GRK5: variants seen among roughly 807,000 people sequenced by gnomAD.
GRK5 encodes the protein G protein-coupled receptor kinase 5.
Under a neutral mutation model 78.4 loss-of-function variants are expected in GRK5, and 40 were observed. The ratio of observed to expected loss-of-function variants is 0.51; its 90% CI spans 0.40 to 0.66. The LOEUF is 0.66. Ranked by LOEUF, GRK5 falls within the 30% of genes least tolerant of loss-of-function variation. The pLI, the probability that GRK5 is intolerant of heterozygous loss-of-function variation, is 0.00. For missense variants in GRK5, 598 were observed against 759.9 expected (o/e 0.79, Z 2.50); for synonymous variants, 289 against 296.8 (o/e 0.97, Z 0.27).
chr10:119,373,120 A>G (rs1851571977), intron 2 of GRK5, among the ~76,000 whole-genome samples: 1 of 152,264 alleles, frequency 6.6e-6, no homozygotes, highest in African/African-American at 2.4e-5. Context: ...ACTCACGTGG[A>G]AAGTTGGGAA....
chr10:119,430,377 A>G lies in GRK5; in HGVS notation c.536A>G (p.Gln179Arg). ...TGTGGGATTCTTCTTTCTTCCAGGC[A>G]ACCGGTGACCAAAAACACTTTCAGG... ...RFLQWKWLERQPVTKNTFRQY... is the reference protein window; with the variant it reads ...RFLQWKWLERRPVTKNTFRQY... Residue 179 changes from glutamine to arginine, a missense_variant and splice_region_variant, in exon 7 of 16, where the codon CAA becomes CGA. By Grantham distance (43) the Gln-to-Arg change is conservative. Coordinates refer to ENST00000392870, the MANE Select transcript of GRK5 (RefSeq NM_005308.3). This position sits in a 1 kb window ranked among gnomAD's most constrained non-coding sequence, Gnocchi z 4.5. 1.2e-6 allele frequency: 2 copies of G among 1,613,622 alleles called. No individual in the cohort carries two copies. Among genetic ancestry groups the G allele is most frequent in the African/African-American group, 1.3e-5 (1 of 75,038 alleles).
chr10:119,458,821 A>G lies in GRK5; in HGVS notation c.*3754A>G, dbSNP rs958530526. 1.3e-5 allele frequency: 2 copies of G among 151,932 alleles called. No individual in the cohort carries two copies. Among genetic ancestry groups the G allele is most frequent in the African/African-American group, 4.8e-5 (2 of 41,352 alleles). The allele number at this position is 151,932 out of a possible 1,614,324, so 9.4% of individuals were successfully genotyped here. Reference sequence around the variant, plus strand: ...CTCGTGTTATCAGTTCCAGCTACCCATCGACTTTCCCACCGAGCCGCTGCC... The same window carrying G: ...CTCGTGTTATCAGTTCCAGCTACCCGTCGACTTTCCCACCGAGCCGCTGCC... On this transcript the variant is annotated 3_prime_UTR_variant, in exon 16 of 16. Coordinates refer to ENST00000392870, the MANE Select transcript of GRK5 (RefSeq NM_005308.3).
At chr10:119,236,339 C>G (rs1243502687) in intron 1 of GRK5, among the ~76,000 whole-genome samples, 1 of 151,620 alleles carries the variant, frequency 6.6e-6, no homozygotes, top group African/African-American at 2.4e-5. Flanking sequence ...CCTCAGCCTC[C>G]CGAGTAGCTG....
chr10:119,216,046 CTG>C (rs1438160478), intron 1 of GRK5, among the ~76,000 whole-genome samples: 1 of 152,216 alleles, frequency 6.6e-6, no homozygotes, highest in African/African-American at 2.4e-5. Context: ...TCCTTAAAAA[CTG>C]TTTCTTGTGA....
chr10:119,313,331 G>A (rs1850430339), intron 1 of GRK5, among the ~76,000 whole-genome samples: 1 of 151,748 alleles, frequency 6.6e-6, no homozygotes, highest in African/African-American at 2.4e-5. Flanking sequence ...TGGCAGTGGT[G>A]GTGGTGATGG....
intron 8 of GRK5, among the ~76,000 whole-genome samples, chr10:119,434,292 A>C (rs935266646): frequency 6.6e-6 from 1 of 152,180 alleles, no homozygotes; most frequent in African/African-American, 2.4e-5. Flanking sequence ...ACAGTCCCCC[A>C]AAATCTTAAC....
chr10:119,395,406 T>G (rs954462961), intron 3 of GRK5, among the ~76,000 whole-genome samples: 6 of 152,088 alleles, frequency 3.9e-5, no homozygotes, highest in African/African-American at 1.4e-4. Context: ...CACTGAGGTG[T>G]GAAGTTTCCC....
chr10:119,276,978 C>G (rs1849681394), intron 1 of GRK5, among the ~76,000 whole-genome samples: 1 of 152,208 alleles, frequency 6.6e-6, no homozygotes, highest in Non-Finnish European at 1.5e-5. Flanking sequence ...TATATTGGCA[C>G]ATGAAGTTAA....
chr10:119,242,703 C>T (rs747007689), intron 1 of GRK5, among the ~76,000 whole-genome samples: 1 of 151,918 alleles, frequency 6.6e-6, no homozygotes, highest in Non-Finnish European at 1.5e-5. Context: ...TGTGAACTAT[C>T]TTGTGATAGT....
chr10:119,273,220 C>G (rs1849614120), intron 1 of GRK5, among the ~76,000 whole-genome samples: 1 of 152,136 alleles, frequency 6.6e-6, no homozygotes, highest in African/African-American at 2.4e-5. Flanking sequence ...GGCAGCTCCA[C>G]TGTAGGCATA....
At chr10:119,327,226 A>ACCT (rs972085282) in intron 2 of GRK5, among the ~76,000 whole-genome samples, 8 of 152,242 alleles carry the variant, frequency 5.3e-5, no homozygotes, top group Admixed American at 3.3e-4. Context: ...CACACCAGGC[A>ACCT]CCTCCAAGAG....
At chr10:119,269,861 TG>T (rs1564871237) in intron 1 of GRK5, among the ~76,000 whole-genome samples, 1 of 145,698 alleles carries the variant, frequency 6.9e-6, no homozygotes, top group African/African-American at 2.5e-5. Flanking sequence ...AAAAAGTTGC[TG>T]AGTTGGCTCT....
At chr10:119,322,114 C>T (rs1283497915) in intron 1 of GRK5, among the ~76,000 whole-genome samples, 1 of 152,120 alleles carries the variant, frequency 6.6e-6, no homozygotes, top group Non-Finnish European at 1.5e-5. Context: ...CGCCCAGCTA[C>T]TTATTTTATT....
At chr10:119,291,720 A>C (rs1172728622) in intron 1 of GRK5, among the ~76,000 whole-genome samples, 242 of 74,762 alleles carry the variant, frequency 3.2e-3, no homozygotes, top group East Asian at 5.3e-3. Flanking sequence ...CCTTATCCTC[A>C]TCCTCCTCCT....
chr10:119,306,691 G>A (rs1377796064), intron 1 of GRK5, among the ~76,000 whole-genome samples: 1 of 152,136 alleles, frequency 6.6e-6, no homozygotes, highest in East Asian at 1.9e-4. Context: ...GTCTGCCTGA[G>A]CCCCTGAGCC....
chr10:119,265,195 G>T (rs574659818), intron 1 of GRK5, among the ~76,000 whole-genome samples: 10 of 152,164 alleles, frequency 6.6e-5, no homozygotes, highest in African/African-American at 2.4e-4. Flanking sequence ...CTTTCTGTTC[G>T]TTAGTTTTTA....
At chr10:119,444,125 G>A (rs1047191371) in intron 12 of GRK5, among the ~76,000 whole-genome samples, 1 of 152,140 alleles carries the variant, frequency 6.6e-6, no homozygotes, top group African/African-American at 2.4e-5. Flanking sequence ...CCCTGCCCGT[G>A]GGCCTCCTGC....
intron 3 of GRK5, among the ~76,000 whole-genome samples, chr10:119,381,396 G>A (rs1175089719): frequency 1.3e-5 from 2 of 152,234 alleles, no homozygotes; most frequent in East Asian, 1.9e-4. Context: ...GTTCATACCT[G>A]CCTCACACAG....
At chr10:119,423,530 C>T (rs780351647) in intron 5 of GRK5, among the ~76,000 whole-genome samples, 1 of 152,170 alleles carries the variant, frequency 6.6e-6, no homozygotes, top group Non-Finnish European at 1.5e-5. Context: ...AACATTTGAC[C>T]CTGTCTGGGT....
Sources: allele counts gnomAD v4.1 joint callset (sites outside exome capture counted in the v4.1 genomes callset), GRCh38; gene constraint gnomAD v4.1.1; non-coding constraint Gnocchi (gnomAD v3.1); transcripts MANE v1.5; gene names NCBI Gene and HGNC (gene_info 2026-07-23, HGNC 2026-07-21).